ADSS1: variants seen among roughly 807,000 people sequenced by gnomAD.
ADSS1 encodes adenylosuccinate synthetase isozyme 1.
ADSS1 carries 57 observed loss-of-function variants against 59.1 expected under a neutral mutation model. The ratio of observed to expected loss-of-function variants is 0.97; its 90% CI spans 0.78 to 1.20. The LOEUF (loss-of-function observed/expected upper bound fraction) is 1.20, where lower values mean the gene tolerates loss of function less well. Ranked by LOEUF, ADSS1 falls within the 50% of genes most tolerant of loss-of-function variation. The pLI, the probability that ADSS1 is intolerant of heterozygous loss-of-function variation, is 0.00. For missense variants in ADSS1, 603 were observed against 610.3 expected (o/e 0.99, Z 0.13); for synonymous variants, 247 against 249.4 (o/e 0.99, Z 0.09).
intron 9 of ADSS1, 52 bp downstream of exon 9, chr14:104,742,054 G>A (rs1296458340): frequency 6.3e-7 from 1 of 1,598,620 alleles, no homozygotes; most frequent in Non-Finnish European, 8.5e-7. Flanking sequence ...GGCCAGGCAG[G>A]GGTGCCGGGG....
chr14:104,739,176 G>A (rs1891238475), intron 3 of ADSS1, 152 bp from the exon 4 acceptor site: 10 of 741,728 alleles, frequency 1.3e-5, no homozygotes, highest in East Asian at 1.1e-4. Flanking sequence ...CGGGTCTGCC[G>A]CTTGCTGCGC....
At chr14:104,741,791 G>C (rs1891367449) in intron 8 of ADSS1, 57 bp from the exon 9 acceptor site, 1 of 1,596,252 alleles carries the variant, frequency 6.3e-7, no homozygotes, top group African/African-American at 1.3e-5. Context: ...TCTTGGGCCG[G>C]GTGGAATAAT....
chr14:104,729,804 G>A (rs1439529389), intron 1 of ADSS1: 7 of 409,776 alleles, frequency 1.7e-5, no homozygotes, highest in Non-Finnish European at 2.5e-5. Context: ...GGGGAGGAGC[G>A]TGGCGTCGGC....
Position 104,724,422 on chromosome 14 carries a change from A to G in ADSS1, c.152A>G (p.Asp51Gly), listed in dbSNP as rs756027182. 7.9e-7 allele frequency: 1 copy of G among 1,263,544 alleles called. No homozygotes were observed. The highest frequency in any genetic ancestry group is 1.0e-6 in the Non-Finnish European group (1 of 999,282). The allele number at this position is 1,263,544 out of a possible 1,614,324, so 78.3% of individuals were successfully genotyped here. ...GACGAGGGCAAAGGCAAGGTGGTGG[A>G]CCTGCTGGCCACGGACGCCGACATC... is the stretch of plus-strand genomic sequence containing the variant. ...WGDEGKGKVV[D>G]LLATDADIIS... The change falls in exon 1 of 13, where the codon GAC (aspartate) becomes GGC (glycine). Residue 51 changes from aspartate to glycine, a missense_variant. Physicochemically the swap from Asp to Gly is moderately conservative, Grantham distance 94 (BLOSUM62 -1). Transcript: ENST00000330877.
chr14:104,736,911 T>TATATATATATATATATATATATATATA (rs1566798291), intron 2 of ADSS1, among the ~76,000 whole-genome samples: 5 of 143,282 alleles, frequency 3.5e-5, no homozygotes, highest in African/African-American at 1.3e-4. Context: ...TATATATATA[T>TATATATATATATATATATATATATATA]ATGCATTTTT....
chr14:104,736,881 G>GATATATATATATATAT (rs57122419), intron 2 of ADSS1, among the ~76,000 whole-genome samples: 176 of 106,534 alleles, frequency 1.7e-3, no homozygotes, highest in Non-Finnish European at 2.3e-3. Context: ...GCACCTAGCT[G>GATATATATATATATAT]ATATATATAT....
chr14:104,746,453 G>T lies in ADSS1; in HGVS notation c.1321+68G>T, dbSNP rs1298578208. On this transcript the variant is annotated intron_variant, in intron 12 of 12. Coordinates refer to ENST00000330877, the MANE Select transcript of ADSS1 (RefSeq NM_152328.5). ...TGCCCCAAGGGGCCCACATCCCAGC[G>T]CAGGGCTTGGTGAGCAATAAGAAAA... The T allele has an allele frequency of 5.9e-6, 9 of 1,537,624 alleles. No homozygotes were observed. The Admixed American group carries it at 1.0e-4, about 17-fold the overall frequency.
rs1002912523 is a variant in ADSS1 at position 104,728,630 on chromosome 14, CG to C, written c.192+4171del. Among the ~76,000 whole-genome samples, 4 of 152,318 alleles carry C rather than the reference CG, an allele frequency of 2.6e-5. No homozygotes were observed. The East Asian group carries it at 7.7e-4, about 29-fold the overall frequency. ...GGCGCCAGGGCCCCTTGCTCTGTGC[CG>C]GGCACAGTCGTCGTACAAACTGCCA... On this transcript the variant is annotated intron_variant, in intron 1 of 12. Transcript: ENST00000330877.
At chr14:104,731,157 T>G (rs1164483967) in intron 1 of ADSS1, among the ~76,000 whole-genome samples, 1 of 152,120 alleles carries the variant, frequency 6.6e-6, no homozygotes, top group African/African-American at 2.4e-5. Flanking sequence ...TCAAGGCAGG[T>G]GTTCTGCACC....
chr14:104,724,590 A>G, intron 1 of ADSS1, 128 bp downstream of exon 1: 1 of 1,202,810 alleles, frequency 8.3e-7, no homozygotes, highest in Non-Finnish European at 1.0e-6. Context: ...TTCCGGGAGC[A>G]CCTTTCCCAG....
rs1428070721 is a variant in ADSS1 at position 104,746,400 on chromosome 14, T to A, written c.1321+15T>A. 6.2e-7 allele frequency: 1 copy of A among 1,605,420 alleles called. No homozygotes were observed. Among genetic ancestry groups the A allele is most frequent in the East Asian group, 2.2e-5 (1 of 44,688 alleles). On this transcript the variant is annotated intron_variant, in intron 12 of 12. Coordinates refer to ENST00000330877, the MANE Select transcript of ADSS1 (RefSeq NM_152328.5). ...GGGAGTCGCAGGTGGGTGCCCTGCA[T>A]CCCCAGCCACCCTCCCTGCACCCTG...
rs758591954 is a variant in ADSS1 at position 104,746,352 on chromosome 14, A to G, written c.1288A>G (p.Ile430Val). 40 of 1,613,498 alleles carry G rather than the reference A, an allele frequency of 2.5e-5. No homozygotes were observed. The highest frequency in any genetic ancestry group is 3.3e-5 in the South Asian group (3 of 91,068). Residue 430 changes from isoleucine (I) to valine (V), a missense_variant, in exon 12 of 13, where the codon ATC (isoleucine) becomes GTC (valine). By Grantham distance (29) the Ile-to-Val change is conservative. Transcript: ENST00000330877. ...CCTGCCCCCACAGGCCCAGAACTAC[A>G]TCCGCTTTGTGGAGAATCACGTGGG... ...EDLPPQAQNY[I>V]RFVENHVGVA...
In ADSS1 at chr14:104,741,882, C is replaced by T. The variant is rs752824822; in HGVS notation, c.828C>T (p.Thr276=). 1.9e-5 allele frequency: 30 copies of T among 1,613,306 alleles called. No homozygotes were observed. The highest frequency in any genetic ancestry group is 5.3e-5 in the African/African-American group (4 of 74,934). The change falls in exon 9 of 13, where the codon ACC becomes ACT. Residue 276 remains threonine (T), a synonymous_variant. Coordinates refer to ENST00000330877, the MANE Select transcript of ADSS1 (RefSeq NM_152328.5). ...CCTTTGTGACTTCATCCAACTGCAC[C>T]GTGGGCGGTGTGTGCACGGGCCTGG... ...TYPFVTSSNC[T]VGGVCTGLGI... is the part of the protein sequence containing the mutation.
At chr14:104,739,724 C>T (rs1304452457) in intron 4 of ADSS1, 26 bp from the exon 5 acceptor site, 3 of 1,612,940 alleles carry the variant, frequency 1.9e-6, no homozygotes, top group Non-Finnish European at 1.7e-6. Flanking sequence ...CTGTCTCCTG[C>T]TGCCCTCACC....
In ADSS1 at chr14:104,742,017, C is replaced by T; in HGVS notation, c.948+15C>T. The stretch of plus-strand genomic sequence containing the variant: ...AGCAGATCAACGTGAGTCCCCAGCC[C>T]CTCGGGACCCCGTGGGAGGACAGGG... On this transcript the variant is annotated intron_variant, in intron 9 of 12. Transcript: ENST00000330877. 6.2e-7 allele frequency: 1 copy of T among 1,611,564 alleles called. No homozygotes were observed. The highest frequency in any genetic ancestry group is 8.5e-7 in the Non-Finnish European group (1 of 1,179,320).
chr14:104,728,786 G>T (rs1415937782), intron 1 of ADSS1, among the ~76,000 whole-genome samples: 1 of 152,188 alleles, frequency 6.6e-6, no homozygotes, highest in East Asian at 1.9e-4. Context: ...GCCAGGCCCT[G>T]GGCCAGGGCT....
At chr14:104,732,415 C>G (rs1407557125) in intron 1 of ADSS1, among the ~76,000 whole-genome samples, 22 of 152,208 alleles carry the variant, frequency 1.4e-4, no homozygotes, top group Admixed American at 1.4e-3. Flanking sequence ...AGACTGGTGT[C>G]TCTCTGGGGC....
intron 2 of ADSS1, among the ~76,000 whole-genome samples, chr14:104,736,881 G>GAGAT (rs1555378550): frequency 9.4e-6 from 1 of 106,588 alleles, no homozygotes; most frequent in Non-Finnish European, 1.9e-5. Flanking sequence ...GCACCTAGCT[G>GAGAT]ATATATATAT....
chr14:104,741,154 G>T lies in ADSS1; in HGVS notation c.704G>T (p.Gly235Val), dbSNP rs1363462218. ...CGGATCAGACCCATGGTCCGAGATG[G>T]TGTTTACTTTATGTATGAGGCACTC... ...AERIRPMVRD[G>V]VYFMYEALHG... Residue 235 changes from glycine (G) to valine (V), a missense_variant, in exon 8 of 13, where the codon GGT becomes GTT. Transcript: ENST00000330877. 1 of 1,611,448 alleles carries T rather than the reference G, an allele frequency of 6.2e-7. No individual in the cohort carries two copies. Among genetic ancestry groups the T allele is most frequent in the Non-Finnish European group, 8.5e-7 (1 of 1,178,548 alleles).
Sources: allele counts gnomAD v4.1 joint callset (sites outside exome capture counted in the v4.1 genomes callset), GRCh38; gene constraint gnomAD v4.1.1; transcripts MANE v1.5; gene names NCBI Gene and HGNC (gene_info 2026-07-23, HGNC 2026-07-21).